The following MTPAP variants were observed in gnomAD, a reference collection of about 807,000 sequenced individuals.
The protein encoded by MTPAP is mitochondrial poly(A) polymerase, also known as poly(A) RNA polymerase, mitochondrial.
MTPAP carries 23 observed loss-of-function variants against 48.7 expected under a neutral mutation model. That is an observed-to-expected ratio of 0.47 (90% confidence interval 0.34 to 0.67). MTPAP has a LOEUF of 0.67. Among genes scored for constraint, MTPAP ranks in the 30% least tolerant of loss-of-function variants. The probability of loss-of-function intolerance (pLI) is 0.01; values close to 1 mark genes in which losing one functional copy is unlikely to be tolerated. For missense variants in MTPAP, 614 were observed against 694.3 expected (o/e 0.88, Z 1.30); for synonymous variants, 257 against 254.1 (o/e 1.01, Z -0.11).
At chr10:30,333,433 T>A (rs905566806) in intron 4 of MTPAP, among the ~76,000 whole-genome samples, 2 of 152,226 alleles carry the variant, frequency 1.3e-5, no homozygotes, top group African/African-American at 4.8e-5. Flanking sequence ...ATCACATTAC[T>A]AGTAAGTAGA....
intron 3 of MTPAP, among the ~76,000 whole-genome samples, chr10:30,338,519 C>CA (rs1834758086): frequency 6.6e-6 from 1 of 151,768 alleles, no homozygotes; most frequent in African/African-American, 2.4e-5. Context: ...ACTAAAAATA[C>CA]AAAAAATTAG....
intron 1 of MTPAP, among the ~76,000 whole-genome samples, chr10:30,342,789 T>G (rs1254262250): frequency 1.3e-5 from 2 of 152,284 alleles, no homozygotes; most frequent in Admixed American, 6.5e-5. Context: ...TCATGCGCTC[T>G]GTATCAGGGA....
chr10:30,322,084 T>C (rs2132849722), intron 6 of MTPAP, among the ~76,000 whole-genome samples: 1 of 152,328 alleles, frequency 6.6e-6, no homozygotes, highest in African/African-American at 2.4e-5. Context: ...TCAAAAGTTG[T>C]ATCTGAACAA....
chr10:30,344,655 T>C (rs1025059016), intron 1 of MTPAP, among the ~76,000 whole-genome samples: 6 of 152,214 alleles, frequency 3.9e-5, no homozygotes, highest in African/African-American at 1.2e-4. Flanking sequence ...TTACTGAGTC[T>C]AAACTGATGT....
At chr10:30,323,472 A>AG (rs1840751362) in intron 5 of MTPAP, among the ~76,000 whole-genome samples, 1 of 151,288 alleles carries the variant, frequency 6.6e-6, no homozygotes, top group Non-Finnish European at 1.5e-5. Context: ...AAAAAAAAAA[A>AG]AGAAATAAAG....
chr10:30,337,913 G>C (rs965449991), intron 3 of MTPAP, among the ~76,000 whole-genome samples: 4 of 152,096 alleles, frequency 2.6e-5, no homozygotes, highest in African/African-American at 9.7e-5. Context: ...TTGTGTACTG[G>C]AGTATCTGAA....
Position 30,326,540 on chromosome 10 carries a change from A to G in MTPAP, c.876T>C (p.Leu292=), listed in dbSNP as rs770153781. 2 of 1,614,154 alleles carry G rather than the reference A, an allele frequency of 1.2e-6. No homozygotes were observed. The highest frequency in any genetic ancestry group is 2.2e-5 in the South Asian group (2 of 91,082). Residue 292 remains leucine (L), a synonymous_variant, in exon 5 of 9, where the codon CTT becomes CTC. Transcript: ENST00000263063. ...CCACACAGCCAGGGCCAAAGTGGTC[A>G]AGGCACTCTCCTAACACAGACAGGA... is the stretch of plus-strand genomic sequence containing the variant. ...QKILSVLGEC[L]DHFGPGCVGV...
chr10:30,348,996 G>T, intron 1 of MTPAP, 123 bp downstream of exon 1: 2 of 1,440,010 alleles, frequency 1.4e-6, no homozygotes, highest in Non-Finnish European at 1.9e-6. Flanking sequence ...GGAGAGGACA[G>T]GACACAGCCC....
intron 4 of MTPAP, among the ~76,000 whole-genome samples, chr10:30,333,026 C>T (rs537537953): frequency 6.6e-5 from 10 of 151,858 alleles, no homozygotes; most frequent in African/African-American, 2.4e-4. Flanking sequence ...GAGGCTGAGG[C>T]AGGAGAATAG....
rs182202969 is a variant in MTPAP, at chr10:30,313,582, C to T, written c.*27G>A. On this transcript the variant is annotated 3_prime_UTR_variant, in exon 9 of 9. Transcript: ENST00000263063. Reference sequence around the variant, plus strand: ...CCACAGACCATTTGATAGGCTAAGCCCAGTTCTTTACACAATGTAGCAGCC... The same window carrying T: ...CCACAGACCATTTGATAGGCTAAGCTCAGTTCTTTACACAATGTAGCAGCC... 1.9e-5 allele frequency: 30 copies of T among 1,613,880 alleles called. No homozygotes were observed. The Admixed American group carries it at 3.5e-4, about 19-fold the overall frequency.
At position 30,340,390 on chromosome 10, in the gene MTPAP, T is replaced by C. The variant is rs1386181797; in HGVS notation, c.391A>G (p.Thr131Ala). The C allele has an allele frequency of 6.2e-7, 1 of 1,614,062 alleles. No homozygotes were observed. The highest frequency in any genetic ancestry group is 1.7e-5 in the Admixed American group (1 of 59,988). Residue 131 changes from threonine (T) to alanine (A), a missense_variant, in exon 3 of 9, where the codon ACT (threonine) becomes GCT (alanine). Around this residue, in one of 5 missense-constraint regions of MTPAP, gnomAD observed 114 missense variants for 107.9 expected, o/e 1.06. Transcript: ENST00000263063. ...TCCATGGCCGTGCTTGGAGTATGAG[T>C]CCCATTCTGCAGTGAACCTATGCTT... ...KESIGSLQNG[T>A]HTPSTAMETA...
At chr10:30,330,073 T>C (rs1437839646) in intron 4 of MTPAP, among the ~76,000 whole-genome samples, 3 of 152,220 alleles carry the variant, frequency 2.0e-5, no homozygotes, top group African/African-American at 2.4e-5. Flanking sequence ...GAGATACTTA[T>C]GTATTTCTAT....
Position 30,342,783 on chromosome 10 carries a change from G to A in MTPAP, c.158-1143C>T, listed in dbSNP as rs145594094. 2.6e-5 allele frequency among the ~76,000 whole-genome samples: 4 copies of A among 152,196 alleles called. No homozygotes were observed. In the East Asian group the frequency reaches 7.7e-4, roughly 29 times the overall value. On this transcript the variant is annotated intron_variant, in intron 1 of 8. Transcript: ENST00000263063. ...TTAACAGTGAGTTACCAACTATCAT[G>A]CGCTCTGTATCAGGGAAATCAAAGA...
At chr10:30,340,109 T>A (rs1424954760) in intron 3 of MTPAP, 117 bp downstream of exon 3, 14 of 905,166 alleles carry the variant, frequency 1.5e-5, no homozygotes, top group Non-Finnish European at 2.1e-5. Flanking sequence ...TTTCACCTTG[T>A]AAAACTGAAG....
chr10:30,343,818 T>C (rs1834839754), intron 1 of MTPAP, among the ~76,000 whole-genome samples: 1 of 151,966 alleles, frequency 6.6e-6, no homozygotes, highest in South Asian at 2.1e-4. Flanking sequence ...TCCTCCCTCC[T>C]TGGACTCCCA....
chr10:30,339,693 T>A (rs1408115587), intron 3 of MTPAP, among the ~76,000 whole-genome samples: 1 of 152,190 alleles, frequency 6.6e-6, no homozygotes, highest in African/African-American at 2.4e-5. Context: ...CACTTTTCAT[T>A]CAACATATCC....
intron 1 of MTPAP, among the ~76,000 whole-genome samples, chr10:30,346,928 G>A (rs537152594): frequency 3.0e-4 from 45 of 152,134 alleles, no homozygotes; most frequent in Non-Finnish European, 5.6e-4. Context: ...CCATGTAGAA[G>A]AGCCCAAGAT....
chr10:30,315,518 A>AG (rs1297055888), intron 8 of MTPAP, among the ~76,000 whole-genome samples: 1 of 151,396 alleles, frequency 6.6e-6, no homozygotes, highest in African/African-American at 2.4e-5. Context: ...AAAAAAACAA[A>AG]ACAAAACAAA....
intron 4 of MTPAP, among the ~76,000 whole-genome samples, chr10:30,329,966 C>CT (rs1348372237): frequency 7.2e-6 from 1 of 139,562 alleles, no homozygotes; most frequent in Non-Finnish European, 1.6e-5. Context: ...TGGGTTTTTT[C>CT]TTTTAAAAAA....
Sources: allele counts gnomAD v4.1 joint callset (sites outside exome capture counted in the v4.1 genomes callset), GRCh38; gene constraint gnomAD v4.1.1; regional missense constraint gnomAD v4.1.1; transcripts MANE v1.5; gene names NCBI Gene and HGNC (gene_info 2026-07-23, HGNC 2026-07-21).